The following DIAPH3 variants were observed in gnomAD, a reference collection of about 807,000 sequenced individuals.
The protein encoded by DIAPH3 is diaphanous related formin 3.
Under a neutral mutation model 144.3 loss-of-function variants are expected in DIAPH3, and 117 were observed. The observed-to-expected ratio is 0.81, with a 90% CI of 0.70 to 0.95. DIAPH3 has a LOEUF of 0.95. DIAPH3 is among the 40% of genes least tolerant of loss of function. The pLI is 0.00. For synonymous variants in DIAPH3, 519 were observed against 488.9 expected, an observed-to-expected ratio of 1.06 and a Z score of -0.81; for missense variants, 1,421 against 1,412.7, an observed-to-expected ratio of 1.01 and a Z score of -0.09.
intron 3 of DIAPH3, among the ~76,000 whole-genome samples, chr13:60,106,576 T>C (rs543324280): frequency 7.2e-5 from 11 of 152,098 alleles, no homozygotes. Context: ...CTAACAAAAG[T>C]AAAAAGACAA....
chr13:59,994,067 A>C lies in DIAPH3; in HGVS notation c.1015-1484T>G, dbSNP rs140307755. 3.3e-3 allele frequency among the ~76,000 whole-genome samples: 497 copies of C among 151,992 alleles called. 2 individuals are homozygous for C. Among genetic ancestry groups the C allele is most frequent in the African/African-American group, 0.011 (457 of 41,526 alleles). Reference sequence around the variant, plus strand: ...TAGACAACAGTAGCATGAAATTTAGAAATAAGGGAAAGGATAATCCAAATT... The same window carrying C: ...TAGACAACAGTAGCATGAAATTTAGCAATAAGGGAAAGGATAATCCAAATT... On this transcript the variant is annotated intron_variant, in intron 9 of 27. Transcript: ENST00000400324.
In DIAPH3 at chr13:60,115,587, C is replaced by T. The variant is rs545158444; in HGVS notation, c.214-3401G>A. On this transcript the variant is annotated intron_variant, in intron 2 of 27. Coordinates refer to ENST00000400324, the MANE Select transcript of DIAPH3 (RefSeq NM_001042517.2). ...GTTATAGTTTAATACTGCATCTTTACATTTGTTCACATTTCTCTTGACTGC... is the reference window on the plus strand; with the variant it reads ...GTTATAGTTTAATACTGCATCTTTATATTTGTTCACATTTCTCTTGACTGC... Among the ~76,000 whole-genome samples, 6 of 152,196 alleles carry T rather than the reference C, an allele frequency of 3.9e-5. No homozygotes were observed. The South Asian group carries it at 1.2e-3, about 32-fold the overall frequency.
intron 9 of DIAPH3, 33 bp downstream of exon 9, chr13:60,008,511 T>C: frequency 6.8e-7 from 1 of 1,462,704 alleles, no homozygotes; most frequent in African/African-American, 1.4e-5. Flanking sequence ...ATATGCCATT[T>C]AAAAACAGAT....
chr13:60,035,285 G>T (rs1158311317), intron 5 of DIAPH3, among the ~76,000 whole-genome samples: 1 of 152,036 alleles, frequency 6.6e-6, no homozygotes, highest in Non-Finnish European at 1.5e-5. Flanking sequence ...AAGCTTTTAA[G>T]ATACAGATAC....
chr13:59,947,684 G>T (rs781110765), intron 17 of DIAPH3, among the ~76,000 whole-genome samples: 28 of 151,626 alleles, frequency 1.8e-4, no homozygotes, highest in Non-Finnish European at 1.0e-4. Context: ...AGTGAACTGA[G>T]ATCATGCCAC....
Position 60,042,726 on chromosome 13 carries a change from T to TC in DIAPH3, c.589dup (p.Glu197GlyfsTer21), listed in dbSNP as rs2055772816. ...GCTGGTCAAAGACACTCGGAGAGAC[T>TC]CCAGGCATGTGACAAGTCTCTCATC... On this transcript the variant is annotated frameshift_variant, in exon 5 of 28. Coordinates refer to ENST00000400324, the MANE Select transcript of DIAPH3 (RefSeq NM_001042517.2). LOFTEE classifies it high-confidence loss of function. 3 of 1,613,596 alleles carry TC rather than the reference T, an allele frequency of 1.9e-6. No individual in the cohort carries two copies. Among genetic ancestry groups the TC allele is most frequent in the Non-Finnish European group, 2.5e-6 (3 of 1,179,784 alleles).
intron 9 of DIAPH3, among the ~76,000 whole-genome samples, chr13:59,993,303 T>G (rs2051958254): frequency 1.3e-5 from 2 of 151,796 alleles, no homozygotes; most frequent in African/African-American, 4.8e-5. Flanking sequence ...CTAAAATATA[T>G]CTTTCATCCT....
At chr13:59,742,369 G>C (rs763403608) in intron 27 of DIAPH3, among the ~76,000 whole-genome samples, 11 of 152,110 alleles carry the variant, frequency 7.2e-5, no homozygotes, top group Non-Finnish European at 1.3e-4. Flanking sequence ...TTGATGAAAA[G>C]TGGATAGTCA....
chr13:59,847,292 T>A (rs1034053805), intron 22 of DIAPH3, among the ~76,000 whole-genome samples: 3 of 152,164 alleles, frequency 2.0e-5, no homozygotes, highest in African/African-American at 7.2e-5. Flanking sequence ...TGTTTTTACA[T>A]AATACTGCAA....
intron 3 of DIAPH3, among the ~76,000 whole-genome samples, 165 bp downstream of exon 3, chr13:60,111,845 C>T (rs1297260826): frequency 6.6e-6 from 1 of 152,178 alleles, no homozygotes; most frequent in Non-Finnish European, 1.5e-5. Flanking sequence ...CTTCAGATTT[C>T]ATATTTTTGT....
intron 4 of DIAPH3, among the ~76,000 whole-genome samples, chr13:60,085,881 T>C (rs148384227): frequency 3.9e-5 from 6 of 152,168 alleles, no homozygotes; most frequent in South Asian, 2.1e-4. Flanking sequence ...AGTACGAGCA[T>C]AGCAAAATGT....
chr13:59,670,038 G>A (rs1011753643), intron 27 of DIAPH3, among the ~76,000 whole-genome samples: 8 of 152,148 alleles, frequency 5.3e-5, no homozygotes, highest in African/African-American at 1.7e-4. Context: ...TTCTTTTAGC[G>A]TTTGGTCTTT....
intron 27 of DIAPH3, among the ~76,000 whole-genome samples, chr13:59,708,199 A>G (rs763079437): frequency 2.0e-5 from 3 of 152,056 alleles, no homozygotes; most frequent in Non-Finnish European, 4.4e-5. Context: ...AGTAGCTGAG[A>G]CAACAGGTGA....
intron 22 of DIAPH3, among the ~76,000 whole-genome samples, chr13:59,857,181 G>A (rs558811898): frequency 3.4e-4 from 51 of 152,236 alleles, no homozygotes; most frequent in African/African-American, 1.1e-3. Flanking sequence ...AGAGGTTAAC[G>A]TGTCTTTTGG....
intron 12 of DIAPH3, among the ~76,000 whole-genome samples, chr13:59,990,025 G>A (rs1409154746): frequency 6.6e-6 from 1 of 151,718 alleles, no homozygotes; most frequent in Non-Finnish European, 1.5e-5. Context: ...ATCATAAACA[G>A]CATGGTACAA....
chr13:59,690,376 G>C (rs1016516144), intron 27 of DIAPH3, among the ~76,000 whole-genome samples: 36 of 152,264 alleles, frequency 2.4e-4, no homozygotes, highest in African/African-American at 7.7e-4. Flanking sequence ...ATTAGTGAAA[G>C]AGCTTGGCCT....
intron 24 of DIAPH3, among the ~76,000 whole-genome samples, chr13:59,828,867 C>T (rs907887444): frequency 1.3e-5 from 2 of 151,572 alleles, no homozygotes; most frequent in African/African-American, 2.4e-5. Flanking sequence ...TATCTACAGT[C>T]GATTGTTTAA....
chr13:60,103,161 G>C (rs1020134507), intron 3 of DIAPH3, among the ~76,000 whole-genome samples: 1 of 151,868 alleles, frequency 6.6e-6, no homozygotes, highest in Non-Finnish European at 1.5e-5. Flanking sequence ...AACCGAGGTG[G>C]GGGGGAAATA....
At chr13:59,863,206 A>G (rs1342065737) in intron 21 of DIAPH3, among the ~76,000 whole-genome samples, 2 of 152,116 alleles carry the variant, frequency 1.3e-5, no homozygotes, top group Non-Finnish European at 2.9e-5. Context: ...AGTGGTATGA[A>G]CACAGGACTA....
Sources: gnomAD v4.1 joint callset for allele counts (sites outside exome capture counted in the v4.1 genomes callset) on GRCh38, gnomAD v4.1.1 for gene constraint, MANE v1.5 for transcripts, NCBI Gene and HGNC (gene_info 2026-07-23, HGNC 2026-07-21) for gene names.